Variants in GPC6 observed in about 807,000 individuals in gnomAD.
GPC6 encodes the protein glypican-6.
In GPC6, 14 loss-of-function variants were observed where a neutral mutation model predicts 55.2. That is an observed-to-expected ratio of 0.25 (90% confidence interval 0.17 to 0.40). GPC6 has a LOEUF of 0.40. Ranked by LOEUF, GPC6 falls within the 10% of genes least tolerant of loss-of-function variation. The pLI is 1.00. For missense variants in GPC6, 641 were observed against 708.5 expected, an observed-to-expected ratio of 0.90 and a Z score of 1.08; for synonymous variants, 278 against 259.6, an observed-to-expected ratio of 1.07 and a Z score of -0.68.
chr13:93,720,038 A>C (rs1883397524), intron 2 of GPC6, among the ~76,000 whole-genome samples: 1 of 151,814 alleles, frequency 6.6e-6, no homozygotes, highest in African/African-American at 2.4e-5. Context: ...ATTGGCCTGA[A>C]ATTTTCTTTT....
At chr13:94,095,803 A>G (rs1484936043) in intron 4 of GPC6, among the ~76,000 whole-genome samples, 4 of 152,226 alleles carry the variant, frequency 2.6e-5, no homozygotes, top group Non-Finnish European at 2.9e-5. Context: ...AATGCATTAA[A>G]TTGAAAGAAA....
chr13:93,791,394 T>G (rs1886031192), intron 2 of GPC6, among the ~76,000 whole-genome samples: 2 of 152,214 alleles, frequency 1.3e-5, no homozygotes, highest in South Asian at 4.1e-4. Flanking sequence ...TTTTTCCTAC[T>G]CAAGTATATT....
chr13:93,922,679 A>C (rs1046184494), intron 3 of GPC6, among the ~76,000 whole-genome samples: 2 of 152,240 alleles, frequency 1.3e-5, no homozygotes, highest in Admixed American at 6.5e-5. Context: ...ATAAAGATAC[A>C]TATGGCTAAA....
At chr13:93,945,188 TACTG>T (rs1320064599) in intron 3 of GPC6, among the ~76,000 whole-genome samples, 1 of 152,226 alleles carries the variant, frequency 6.6e-6, no homozygotes, top group African/African-American at 2.4e-5. Flanking sequence ...TTATAAATCT[TACTG>T]ACCCAAAGGA....
intron 1 of GPC6, among the ~76,000 whole-genome samples, chr13:93,344,640 A>C (rs1880370902): frequency 6.6e-6 from 1 of 152,116 alleles, no homozygotes; most frequent in South Asian, 2.1e-4. Flanking sequence ...TCCACTATTG[A>C]ATAGGAGTAT....
chr13:93,720,261 T>C (rs1056249519), intron 2 of GPC6, among the ~76,000 whole-genome samples: 1 of 152,122 alleles, frequency 6.6e-6, no homozygotes, highest in African/African-American at 2.4e-5. Context: ...TATTGGTCTA[T>C]TCAGGGATTT....
At chr13:93,866,616 G>A (rs1193061854) in intron 3 of GPC6, among the ~76,000 whole-genome samples, 9 of 151,660 alleles carry the variant, frequency 5.9e-5, no homozygotes, top group African/African-American at 1.9e-4. Flanking sequence ...ACTAACACAG[G>A]AACAGAAAAC....
At chr13:94,003,984 A>C (rs775217702) in intron 3 of GPC6, among the ~76,000 whole-genome samples, 1 of 152,226 alleles carries the variant, frequency 6.6e-6, no homozygotes, top group Admixed American at 6.5e-5. Context: ...ATAATCAAAG[A>C]TACAGGCAAA....
intron 3 of GPC6, among the ~76,000 whole-genome samples, chr13:93,863,479 G>A (rs1888874175): frequency 6.6e-6 from 1 of 151,650 alleles, no homozygotes; most frequent in African/African-American, 2.4e-5. Context: ...TTATGTTACA[G>A]TTAGCCAAAG....
chr13:94,087,929 G>T (rs534589802), intron 4 of GPC6, among the ~76,000 whole-genome samples: 1 of 152,186 alleles, frequency 6.6e-6, no homozygotes. Context: ...ATGGGTACCA[G>T]CCTACAGAAT....
chr13:93,297,609 A>G (rs1878537673), intron 1 of GPC6, among the ~76,000 whole-genome samples: 1 of 152,056 alleles, frequency 6.6e-6, no homozygotes, highest in African/African-American at 2.4e-5. Flanking sequence ...ACAGAGCAAG[A>G]CCCTGTCTTT....
At chr13:94,352,190 C>T (rs1207177032) in intron 6 of GPC6, among the ~76,000 whole-genome samples, 3 of 151,924 alleles carry the variant, frequency 2.0e-5, no homozygotes, top group South Asian at 2.1e-4. Flanking sequence ...TCTGCGTGAG[C>T]CTGGTGGAGC....
At chr13:93,778,002 G>A (rs1278008493) in intron 2 of GPC6, among the ~76,000 whole-genome samples, 1 of 152,132 alleles carries the variant, frequency 6.6e-6, no homozygotes. Flanking sequence ...AGGAGTCAAA[G>A]GTGAGCTTTT....
chr13:93,472,179 AT>A (rs1879144091), intron 1 of GPC6, among the ~76,000 whole-genome samples: 1 of 151,956 alleles, frequency 6.6e-6, no homozygotes, highest in Non-Finnish European at 1.5e-5. Flanking sequence ...ATGCTGAGTA[AT>A]TTTTTATATT....
rs756041999 is a variant in GPC6 at position 94,403,000 on chromosome 13, A to G, written c.1466-15A>G. ...ATCAGTGGTCTAACTTTCTTTTTCA[A>G]TCTTTCCACACTAGGTGATGAATCC... On this transcript the variant is annotated splice_polypyrimidine_tract_variant and intron_variant, in intron 8 of 8. Transcript: ENST00000377047. 3 of 1,586,428 alleles carry G rather than the reference A, an allele frequency of 1.9e-6. No individual in the cohort carries two copies. Among genetic ancestry groups the G allele is most frequent in the Non-Finnish European group, 8.7e-7 (1 of 1,154,696 alleles).
intron 6 of GPC6, among the ~76,000 whole-genome samples, chr13:94,336,345 A>C (rs1372225033): frequency 6.6e-6 from 1 of 152,100 alleles, no homozygotes; most frequent in African/African-American, 2.4e-5. Flanking sequence ...ATGTTCTTTG[A>C]TTCTGTCAAA....
At chr13:93,382,602 A>C (rs1331134145) in intron 1 of GPC6, among the ~76,000 whole-genome samples, 1 of 152,156 alleles carries the variant, frequency 6.6e-6, no homozygotes, top group Non-Finnish European at 1.5e-5. Context: ...TGATTTGTGA[A>C]TCCTTAGGTT....
At chr13:94,029,491 C>T (rs1008136506) in intron 4 of GPC6, among the ~76,000 whole-genome samples, 22 of 152,232 alleles carry the variant, frequency 1.4e-4, no homozygotes, top group Middle Eastern at 3.4e-3. Flanking sequence ...TTAGCAAAGA[C>T]AGAATACCCA....
At chr13:94,135,292 A>G (rs138913616) in intron 4 of GPC6, among the ~76,000 whole-genome samples, 28 of 151,630 alleles carry the variant, frequency 1.8e-4, no homozygotes, top group African/African-American at 6.6e-4. Flanking sequence ...TGAATTAATT[A>G]TATCTGAGAT....
Sources: gnomAD v4.1 joint callset for allele counts (sites outside exome capture counted in the v4.1 genomes callset) on GRCh38, gnomAD v4.1.1 for gene constraint, MANE v1.5 for transcripts, NCBI Gene and HGNC (gene_info 2026-07-23, HGNC 2026-07-21) for gene names.